Variants in KCTD19 observed in about 807,000 individuals in gnomAD.
KCTD19 encodes the protein potassium channel tetramerization domain containing 19, also known as BTB/POZ domain-containing protein KCTD19.
A neutral mutation model predicts 103.5 loss-of-function variants in KCTD19; 67 were observed. The ratio of observed to expected loss-of-function variants is 0.65; its 90% CI spans 0.53 to 0.79. KCTD19 has a LOEUF of 0.79. Ranked by LOEUF, KCTD19 falls within the 30% of genes least tolerant of loss-of-function variation. The pLI, the probability that KCTD19 is intolerant of heterozygous loss-of-function variation, is 0.00. For synonymous variants in KCTD19, 439 were observed against 452.2 expected, an observed-to-expected ratio of 0.97 and a Z score of 0.37; for missense variants, 980 against 1,136.1, an observed-to-expected ratio of 0.86 and a Z score of 1.98.
chr16:67,299,532 T>G lies in KCTD19; in HGVS notation c.817A>C (p.Lys273Gln), dbSNP rs2036809819. Reference protein sequence around the residue: ...PTTCSPLSPGKGARTASLESV... With the variant: ...PTTCSPLSPGQGARTASLESV... ...TCCAGGCTGGCTGTGCGGGCCCCCTTCCCGGGGCTCAGGGGAGAACAGGTG... is the reference window on the plus strand; with the variant it reads ...TCCAGGCTGGCTGTGCGGGCCCCCTGCCCGGGGCTCAGGGGAGAACAGGTG... Residue 273 changes from lysine (K) to glutamine (Q), a missense_variant, in exon 6 of 16, where the codon AAG (lysine) becomes CAG (glutamine). By Grantham distance (53) the Lys-to-Gln change is moderately conservative (BLOSUM62 1). Coordinates refer to ENST00000304372, the MANE Select transcript of KCTD19 (RefSeq NM_001100915.3). The G allele has an allele frequency of 6.2e-7, 1 of 1,613,872 alleles. No individual in the cohort carries two copies. Among genetic ancestry groups the G allele is most frequent in the Non-Finnish European group, 8.5e-7 (1 of 1,180,010 alleles).
In KCTD19 at chr16:67,294,660, C is replaced by A. The variant is rs1418705744; in HGVS notation, c.1510G>T (p.Glu504Ter). 6.2e-7 allele frequency: 1 copy of A among 1,613,782 alleles called. No individual in the cohort carries two copies. Among genetic ancestry groups the A allele is most frequent in the Non-Finnish European group, 8.5e-7 (1 of 1,179,744 alleles). The change falls in exon 11 of 16, where the codon GAA becomes TAA. Residue 504 changes from glutamate (E) to a stop codon, truncating the protein, a stop_gained. Transcript: ENST00000304372. LOFTEE classifies it high-confidence loss of function. Reference sequence around the variant, plus strand: ...TGCAGCCTCCTGATGGAAAAAGCTTCTTCATTTTCAGATTCTTTCTCCTGA... The same window carrying A: ...TGCAGCCTCCTGATGGAAAAAGCTTATTCATTTTCAGATTCTTTCTCCTGA... ...WTQEKESENE[E>*]AFSIRRLHVV...
rs559515083 is a variant in KCTD19, at chr16:67,322,946, G to A, written c.4-2061C>T. ...AATATATACAAATGACCAACAGAAC[G>A]AAAAAAGATGCTCAACATCCTTAGT... On this transcript the variant is annotated intron_variant, in intron 1 of 15. Coordinates refer to ENST00000304372, the MANE Select transcript of KCTD19 (RefSeq NM_001100915.3). Among the ~76,000 whole-genome samples the A allele has an allele frequency of 7.9e-5, 12 of 152,078 alleles. No homozygotes were observed. The East Asian group carries it at 9.7e-4, about 12-fold the overall frequency.
At chr16:67,321,695 G>A (rs2037074635) in intron 1 of KCTD19, 1 of 152,070 alleles carries the variant, frequency 6.6e-6, no homozygotes, top group Non-Finnish European at 1.5e-5. Context: ...GCCTCATTAG[G>A]ATGTGTCTGA....
intron 2 of KCTD19, among the ~76,000 whole-genome samples, chr16:67,314,251 TCTTCC>T (rs1342560739): frequency 7.0e-6 from 1 of 143,612 alleles, no homozygotes. Flanking sequence ...CTTCCCCCTC[TCTTCC>T]CTTCCCTTCC....
At chr16:67,324,731 A>G (rs958222554) in intron 1 of KCTD19, among the ~76,000 whole-genome samples, 10 of 152,232 alleles carry the variant, frequency 6.6e-5, no homozygotes, top group African/African-American at 2.2e-4. Flanking sequence ...CATGCAAGAA[A>G]GAATGGGATG....
Position 67,320,781 on chromosome 16 carries a change from G to C in KCTD19, c.108C>G (p.Asp36Glu). 1 of 1,614,178 alleles carries C rather than the reference G, an allele frequency of 6.2e-7. No individual in the cohort carries two copies. Residue 36 changes from aspartate to glutamate, a missense_variant, in exon 2 of 16, where the codon GAC becomes GAG. Transcript: ENST00000304372. This position sits in a 1 kb window ranked among gnomAD's most constrained non-coding sequence, Gnocchi z 4.0. ...CTGAAGCCTCTTTCCACAGCAGGGAGTCTGGAAACTGAGAGAGTTTGCTTC... is the reference window on the plus strand; with the variant it reads ...CTGAAGCCTCTTTCCACAGCAGGGACTCTGGAAACTGAGAGAGTTTGCTTC... ...VPRSKLSQFP[D>E]SLLWKEASAL... is the part of the protein sequence containing the mutation.
At position 67,291,452 on chromosome 16, in the gene KCTD19, G is replaced by C; in HGVS notation, c.2422C>G (p.Leu808Val). The C allele has an allele frequency of 6.2e-7, 1 of 1,613,946 alleles. No homozygotes were observed. The change falls in exon 14 of 16, where the codon CTG becomes GTG. Residue 808 changes from leucine to valine, a missense_variant. Leu to Val is a conservative substitution (Grantham distance 32). Coordinates refer to ENST00000304372, the MANE Select transcript of KCTD19 (RefSeq NM_001100915.3). Reference sequence around the variant, plus strand: ...TCTTCCCAGGACAGAGAGAAACTCAGGAAAGTCACTTCTGTGGAGGAGGGA... The same window carrying C: ...TCTTCCCAGGACAGAGAGAAACTCACGAAAGTCACTTCTGTGGAGGAGGGA... ...ASPQPQEVTF[L>V]SFSLSWEEMF... is the part of the protein sequence containing the mutation.
intron 1 of KCTD19, among the ~76,000 whole-genome samples, chr16:67,325,560 A>T (rs542163168): frequency 3.2e-4 from 49 of 151,852 alleles, no homozygotes; most frequent in Non-Finnish European, 4.4e-4. Context: ...TTTCTTGTTA[A>T]GGATAGGGTG....
At position 67,304,452 on chromosome 16, in the gene KCTD19, T is replaced by C. The variant is rs182300191; in HGVS notation, c.420A>G (p.Ser140=). 912 of 1,614,066 alleles carry C rather than the reference T, an allele frequency of 5.7e-4. 5 individuals carry two copies. The highest frequency in any genetic ancestry group is 8.6e-5 in the Non-Finnish European group (101 of 1,179,934). The change falls in exon 3 of 16, where the codon TCA becomes TCG. Residue 140 remains serine (S), a synonymous_variant. Transcript: ENST00000304372. ...WRTWKCISKP[S]EFPIKSPAFT... ...AGGCTGGGCTTTTAATTGGAAATTC[T>C]GAGGGTTTGCTAATACACTTCCATG...
rs373688343 is a variant in KCTD19, at chr16:67,299,561, G to A, written c.788C>T (p.Pro263Leu). 3.1e-4 allele frequency: 507 copies of A among 1,612,026 alleles called. 5 individuals are homozygous for A. The South Asian group carries it at 4.0e-3, about 13-fold the overall frequency. Residue 263 changes from proline to leucine, a missense_variant, in exon 6 of 16, where the codon CCG becomes CTG. Coordinates refer to ENST00000304372, the MANE Select transcript of KCTD19 (RefSeq NM_001100915.3). ...GGGGCTCAGGGGAGAACAGGTGGTCGGGGAACAGCCACCTGTGTCAGAGAG... is the reference window on the plus strand; with the variant it reads ...GGGGCTCAGGGGAGAACAGGTGGTCAGGGAACAGCCACCTGTGTCAGAGAG... Reference protein sequence around the residue: ...WYRMNMGGCSPTTCSPLSPGK... With the variant: ...WYRMNMGGCSLTTCSPLSPGK...
intron 2 of KCTD19, among the ~76,000 whole-genome samples, chr16:67,314,838 G>C (rs1407871204): frequency 1.7e-5 from 2 of 117,728 alleles, no homozygotes; most frequent in Non-Finnish European, 3.4e-5. Flanking sequence ...TATAGAGAGA[G>C]AGAGAGAGAG....
chr16:67,291,119 C>G (rs897906670), intron 14 of KCTD19, 133 bp from the exon 15 acceptor site: 1 of 1,194,512 alleles, frequency 8.4e-7, no homozygotes, highest in African/African-American at 1.5e-5. Context: ...GCAAATCTGC[C>G]TCTTGGCCGA....
At chr16:67,291,185 C>T (rs1032555908) in intron 14 of KCTD19, 124 bp downstream of exon 14, 51 of 1,272,978 alleles carry the variant, frequency 4.0e-5, no homozygotes, top group Non-Finnish European at 5.4e-5. Flanking sequence ...ACTCTTCTGG[C>T]CCTGGCCTTC....
At chr16:67,295,092 A>G (rs755589250) in intron 9 of KCTD19, 36 bp from the exon 10 acceptor site, 7 of 1,593,130 alleles carry the variant, frequency 4.4e-6, no homozygotes, top group Admixed American at 3.3e-5. Context: ...CTGGGCAGCT[A>G]GGATGAGGGT....
chr16:67,315,909 T>C (rs2037008708), intron 2 of KCTD19, among the ~76,000 whole-genome samples: 1 of 152,170 alleles, frequency 6.6e-6, no homozygotes, highest in South Asian at 2.1e-4. Context: ...CCACCGCGTC[T>C]GGCCTAACTA....
chr16:67,297,377 A>G (rs1030320945), intron 7 of KCTD19, 126 bp downstream of exon 7: 4 of 980,002 alleles, frequency 4.1e-6, no homozygotes. Flanking sequence ...AAAATCCAAA[A>G]TATTGGCCTG....
rs754484386 is a variant in KCTD19, at chr16:67,293,611, C to T, written c.2151G>A (p.Lys717=). The T allele has an allele frequency of 3.1e-6, 5 of 1,613,972 alleles. No individual in the cohort carries two copies. The East Asian group carries it at 8.9e-5, about 29-fold the overall frequency. ...AKDKGPEPTF[K]PYLPPKRAGT... is the part of the protein sequence containing the mutation. The stretch of plus-strand genomic sequence containing the variant: ...CAGCTCTTTTTGGGGGTAAGTATGG[C>T]TTGAAGGTTGGCTCTGGCCCCTTGT... Residue 717 remains lysine, a synonymous_variant, in exon 12 of 16, where the codon AAG becomes AAA. Transcript: ENST00000304372. This position sits in a 1 kb window ranked among gnomAD's most constrained non-coding sequence, Gnocchi z 4.0.
intron 2 of KCTD19, among the ~76,000 whole-genome samples, chr16:67,319,691 A>T (rs1042582872): frequency 1.1e-4 from 16 of 148,780 alleles, no homozygotes; most frequent in African/African-American, 3.9e-4. Context: ...AAGCTCTTAT[A>T]ATAATAATAA....
intron 15 of KCTD19, among the ~76,000 whole-genome samples, chr16:67,290,149 G>T (rs1476496353): frequency 7.0e-6 from 1 of 142,258 alleles, no homozygotes; most frequent in African/African-American, 2.6e-5. Flanking sequence ...TCATTCCTTT[G>T]CCCTTACTGA....
Sources: gnomAD v4.1 joint callset for allele counts (sites outside exome capture counted in the v4.1 genomes callset) on GRCh38, gnomAD v4.1.1 for gene constraint, Gnocchi (gnomAD v3.1) non-coding constraint, MANE v1.5 for transcripts, NCBI Gene and HGNC (gene_info 2026-07-23, HGNC 2026-07-21) for gene names.